MOGAT1: variants seen among roughly 807,000 people sequenced by gnomAD.
MOGAT1 encodes the protein monoacylglycerol O-acyltransferase 1.
Under a neutral mutation model 31.4 loss-of-function variants are expected in MOGAT1, and 32 were observed. That is an observed-to-expected ratio of 1.02 (90% CI 0.77 to 1.37). The LOEUF is 1.37. MOGAT1 is among the 40% of genes most tolerant of loss of function. MOGAT1 has a pLI of 0.00. For missense variants in MOGAT1, 426 were observed against 402.0 expected (o/e 1.06, Z -0.51); for synonymous variants, 145 against 144.5 (o/e 1.00, Z -0.03).
chr2:222,708,743 CA>C (rs1693067972), intron 5 of MOGAT1, among the ~76,000 whole-genome samples: 1 of 151,838 alleles, frequency 6.6e-6, no homozygotes, highest in East Asian at 1.9e-4. Context: ...ACATTTTTTC[CA>C]AAAATGGATC....
intron 5 of MOGAT1, among the ~76,000 whole-genome samples, chr2:222,700,935 T>A (rs1182609948): frequency 6.6e-6 from 1 of 152,218 alleles, no homozygotes; most frequent in Non-Finnish European, 1.5e-5. Flanking sequence ...CAAGTTATTC[T>A]GTGGTCCCTC....
rs73073761 is a variant in MOGAT1 at position 222,675,955 on chromosome 2, A to T, written c.94+4076A>T. Among the ~76,000 whole-genome samples, 950 of 152,282 alleles carry T rather than the reference A, an allele frequency of 6.2e-3. 10 individuals carry two copies. Among genetic ancestry groups the T allele is most frequent in the African/African-American group, 0.021 (885 of 41,542 alleles). On this transcript the variant is annotated intron_variant, in intron 1 of 5. Transcript: ENST00000446656. ...TTCCAGTGGTGACGAGAGATGTTTT[A>T]TTAATGATGTTTTAAGATCTCTAAA...
At chr2:222,686,656 C>T (rs748987537) in intron 1 of MOGAT1, among the ~76,000 whole-genome samples, 1 of 152,106 alleles carries the variant, frequency 6.6e-6, no homozygotes, top group East Asian at 1.9e-4. Flanking sequence ...TCTGGTGGGT[C>T]CAGAAGGTAA....
intron 5 of MOGAT1, among the ~76,000 whole-genome samples, chr2:222,696,626 G>A (rs1369724244): frequency 6.6e-6 from 1 of 152,044 alleles, no homozygotes; most frequent in Non-Finnish European, 1.5e-5. Context: ...TTTTGTTCTT[G>A]CTGATTTATT....
At chr2:222,681,846 T>TA (rs1692585370) in intron 1 of MOGAT1, among the ~76,000 whole-genome samples, 1 of 152,188 alleles carries the variant, frequency 6.6e-6, no homozygotes, top group African/African-American at 2.4e-5. Context: ...AAGATGTACC[T>TA]AGCACCCCTG....
At chr2:222,703,851 A>G (rs985262755) in intron 5 of MOGAT1, among the ~76,000 whole-genome samples, 2 of 151,760 alleles carry the variant, frequency 1.3e-5, no homozygotes, top group Non-Finnish European at 2.9e-5. Context: ...TCTATGAATA[A>G]TCTACTGGTT....
intron 3 of MOGAT1, among the ~76,000 whole-genome samples, chr2:222,691,045 G>A (rs1692752877): frequency 6.6e-6 from 1 of 152,116 alleles, no homozygotes; most frequent in Admixed American, 6.5e-5. Context: ...AGAGATGTAG[G>A]TACCCCCTTC....
At chr2:222,697,648 T>C (rs1219773093) in intron 5 of MOGAT1, among the ~76,000 whole-genome samples, 1 of 148,538 alleles carries the variant, frequency 6.7e-6, no homozygotes, top group Non-Finnish European at 1.5e-5. Flanking sequence ...AATGGCATGA[T>C]CTGCAACCTC....
Position 222,671,819 on chromosome 2 carries a change from C to T in MOGAT1, c.34C>T (p.Leu12=). The T allele has an allele frequency of 7.1e-6, 11 of 1,554,144 alleles. No homozygotes were observed. The highest frequency in any genetic ancestry group is 9.6e-6 in the Non-Finnish European group (11 of 1,148,778). ...KVEFAPLNIQ[L]ARRLQTVAVL... is the part of the protein sequence containing the mutation. The stretch of plus-strand genomic sequence containing the variant: ...AGAGTTTGCACCGCTCAACATCCAG[C>T]TGGCGCGGCGGCTGCAGACGGTGGC... Residue 12 remains leucine (L), a synonymous_variant, in exon 1 of 6, where the codon CTG becomes TTG. Coordinates refer to ENST00000446656, the MANE Select transcript of MOGAT1 (RefSeq NM_058165.3).
chr2:222,690,724 C>T (rs1195209512), intron 3 of MOGAT1, among the ~76,000 whole-genome samples: 2 of 152,132 alleles, frequency 1.3e-5, no homozygotes, highest in African/African-American at 4.8e-5. Context: ...AAAGTCCAGC[C>T]TGGTCCCGAG....
chr2:222,679,199 T>C (rs779849718), intron 1 of MOGAT1, among the ~76,000 whole-genome samples: 1 of 152,206 alleles, frequency 6.6e-6, no homozygotes, highest in South Asian at 2.1e-4. Flanking sequence ...ATTGCCCATA[T>C]ATGCATGGGT....
intron 3 of MOGAT1, among the ~76,000 whole-genome samples, chr2:222,692,950 C>T (rs1024907448): frequency 1.3e-5 from 2 of 152,168 alleles, no homozygotes; most frequent in African/African-American, 2.4e-5. Flanking sequence ...AGGTTCAAAC[C>T]CATCTAGGCA....
At chr2:222,679,804 C>T (rs1202686410) in intron 1 of MOGAT1, among the ~76,000 whole-genome samples, 4 of 152,228 alleles carry the variant, frequency 2.6e-5, no homozygotes, top group Non-Finnish European at 5.9e-5. Context: ...CATGATCAAA[C>T]TTGAAACTTC....
intron 5 of MOGAT1, among the ~76,000 whole-genome samples, chr2:222,696,220 A>G (rs972498236): frequency 6.6e-6 from 1 of 152,240 alleles, no homozygotes; most frequent in African/African-American, 2.4e-5. Flanking sequence ...TTGTTCTGCT[A>G]TAAACATGTG....
chr2:222,680,460 A>C (rs1183855395), intron 1 of MOGAT1, among the ~76,000 whole-genome samples: 2 of 148,678 alleles, frequency 1.3e-5, no homozygotes, highest in Non-Finnish European at 2.9e-5. Flanking sequence ...GTGTAGAATA[A>C]ACACACATAT....
rs372068328 is a variant in MOGAT1 at position 222,702,004 on chromosome 2, T to C, written c.853+6716T>C. On this transcript the variant is annotated intron_variant, in intron 5 of 5. Transcript: ENST00000446656. ...TGATACATGGGAAGGCAGTCTAGAC[T>C]CCAGGTGCTAGGCAAATGCAGGTTG... Among the ~76,000 whole-genome samples the C allele has an allele frequency of 3.9e-5, 6 of 152,342 alleles. No individual in the cohort carries two copies. The East Asian group carries it at 1.2e-3, about 29-fold the overall frequency.
intron 5 of MOGAT1, among the ~76,000 whole-genome samples, chr2:222,703,410 TTTTG>T (rs777708929): frequency 1.6e-4 from 24 of 152,220 alleles, no homozygotes; most frequent in East Asian, 3.9e-4. Context: ...TTGTTTTGTT[TTTTG>T]TTTGTTTGTT....
chr2:222,695,142 C>T lies in MOGAT1; in HGVS notation c.707C>T (p.Thr236Ile). ...SFGENELFKQ[T>I]DNPEGSWIRT... is the part of the protein sequence containing the mutation. ...GGTGAAAATGAACTGTTTAAACAAACTGACAACCCTGAAGGATCATGGATT... is the reference window on the plus strand; with the variant it reads ...GGTGAAAATGAACTGTTTAAACAAATTGACAACCCTGAAGGATCATGGATT... Residue 236 changes from threonine to isoleucine, a missense_variant, in exon 5 of 6, where the codon ACT (threonine) becomes ATT (isoleucine). Physicochemically the swap from Thr to Ile is moderately conservative, Grantham distance 89. Coordinates refer to ENST00000446656, the MANE Select transcript of MOGAT1 (RefSeq NM_058165.3). The T allele has an allele frequency of 6.2e-7, 1 of 1,612,764 alleles. No individual in the cohort carries two copies. Among genetic ancestry groups the T allele is most frequent in the Non-Finnish European group, 8.5e-7 (1 of 1,179,434 alleles).
At chr2:222,697,364 A>G (rs1012498392) in intron 5 of MOGAT1, among the ~76,000 whole-genome samples, 7 of 152,124 alleles carry the variant, frequency 4.6e-5, no homozygotes, top group African/African-American at 1.7e-4. Flanking sequence ...TTATTATTAA[A>G]TCTTAAGTAT....
Sources: allele counts gnomAD v4.1 joint callset (sites outside exome capture counted in the v4.1 genomes callset), GRCh38; gene constraint gnomAD v4.1.1; transcripts MANE v1.5; gene names NCBI Gene and HGNC (gene_info 2026-07-23, HGNC 2026-07-21).